BRI3: variants seen among roughly 807,000 people sequenced by gnomAD.
BRI3 encodes the protein brain protein I3.
In BRI3, 6 loss-of-function variants were observed where a neutral mutation model predicts 12.8. That is an observed-to-expected ratio of 0.47 (90% confidence interval 0.26 to 0.93). The LOEUF (loss-of-function observed/expected upper bound fraction) is 0.93, where lower values mean the gene tolerates loss of function less well. Ranked by LOEUF, BRI3 falls within the 40% of genes least tolerant of loss-of-function variation. The pLI, the probability that BRI3 is intolerant of heterozygous loss-of-function variation, is 0.15. For synonymous variants in BRI3, 91 were observed against 76.1 expected (o/e 1.20, Z -1.02); for missense variants, 134 against 171.1 (o/e 0.78, Z 1.21).
chr7:98,300,280 C>T (rs921765602), intron 1 of BRI3, among the ~76,000 whole-genome samples: 1 of 152,124 alleles, frequency 6.6e-6, no homozygotes, highest in African/African-American at 2.4e-5. Flanking sequence ...TCCCTGCTCC[C>T]GCCCTTGGAG....
intron 2 of BRI3, among the ~76,000 whole-genome samples, chr7:98,288,232 G>A (rs1799777242): frequency 6.6e-6 from 1 of 152,216 alleles, no homozygotes. Context: ...GCTCCCTCCA[G>A]CTCCCCCGGA....
At chr7:98,294,124 TAAA>T (rs770700624), downstream of BRI3, 231 of 1,613,608 alleles carry the variant, frequency 1.4e-4, no homozygotes, top group Non-Finnish European at 1.8e-4. Context: ...GTGAGAAAGA[TAAA>T]GAAGTTTATG....
At chr7:98,315,690 A>G in the BRI3 span, 2 of 650,320 alleles carry the variant, frequency 3.1e-6, no homozygotes, top group African/African-American at 3.7e-5. Context: ...CCTGACGTTT[A>G]TCTTCTGCCA....
At chr7:98,320,422 G>A in the BRI3 span, 5 of 680,284 alleles carry the variant, frequency 7.3e-6, no homozygotes, top group African/African-American at 1.8e-5. Flanking sequence ...TGCAACCTCC[G>A]CCTCCCGGGT....
In BRI3 at chr7:98,291,374, C is replaced by T; in HGVS notation, c.*131C>T. 6.7e-7 allele frequency: 1 copy of T among 1,491,432 alleles called. No individual in the cohort carries two copies. Among genetic ancestry groups the T allele is most frequent in the Non-Finnish European group, 8.9e-7 (1 of 1,120,122 alleles). 92.4% of individuals were successfully genotyped at this position (1,491,432 alleles called of 1,614,324 possible). ...GAGGTGGGACCGATGTGGCACACGC[C>T]AGCTGCGGTTTCCCGGAGCGTGGAG... On this transcript the variant is annotated 3_prime_UTR_variant, in exon 3 of 3. Coordinates refer to ENST00000297290, the MANE Select transcript of BRI3 (RefSeq NM_015379.5).
chr7:98,297,602 G>A (rs1438723663), downstream of BRI3, among the ~76,000 whole-genome samples: 1 of 152,156 alleles, frequency 6.6e-6, no homozygotes, highest in Admixed American at 6.6e-5. Context: ...TCCAGTCCTC[G>A]TCTGTGGCCC....
chr7:98,283,908 C>G (rs1187824993), intron 2 of BRI3, among the ~76,000 whole-genome samples: 1 of 152,208 alleles, frequency 6.6e-6, no homozygotes, highest in South Asian at 2.1e-4. Flanking sequence ...GGCTGGGGGG[C>G]GCCGAGGTGG....
At chr7:98,310,579 T>C, downstream of BRI3, 1 of 1,588,774 alleles carries the variant, frequency 6.3e-7, no homozygotes, top group Non-Finnish European at 8.5e-7. Context: ...AAGGGTGTCG[T>C]AATCTTTCCT....
downstream of BRI3, among the ~76,000 whole-genome samples, chr7:98,313,959 G>A (rs1800976114): frequency 2.0e-5 from 3 of 149,148 alleles, no homozygotes; most frequent in South Asian, 6.4e-4. Context: ...CTTATTTAGG[G>A]AGCTGAATAC....
downstream of BRI3, among the ~76,000 whole-genome samples, chr7:98,297,752 G>T (rs1041257940): frequency 6.6e-6 from 1 of 152,232 alleles, no homozygotes; most frequent in African/African-American, 2.4e-5. Flanking sequence ...ATGTTGTGAC[G>T]CAAACGAAGA....
chr7:98,287,974 C>T (rs1271189240), intron 2 of BRI3, among the ~76,000 whole-genome samples: 1 of 152,186 alleles, frequency 6.6e-6, no homozygotes, highest in African/African-American at 2.4e-5. Flanking sequence ...AGCTTTGGTC[C>T]TGAGGTGAGG....
upstream of BRI3, among the ~76,000 whole-genome samples, chr7:98,301,663 GTGTGTGTGTGTGTGCACACGCGCGTC>G: frequency 1.3e-5 from 2 of 151,446 alleles, no homozygotes; most frequent in South Asian, 4.2e-4. Flanking sequence ...GAAGATGATG[GTGTGTGTGTGTGTGCACACGCGCGTC>G]TGTGTGTGTG....
chr7:98,292,588 A>G, downstream of BRI3: 2 of 1,524,738 alleles, frequency 1.3e-6, no homozygotes, highest in Non-Finnish European at 8.9e-7. Flanking sequence ...CCATAGGGCC[A>G]GGTTCCGAGG....
Position 98,291,540 on chromosome 7 carries a change from C to G in BRI3, c.*297C>G. 1.1e-5 allele frequency: 13 copies of G among 1,165,190 alleles called. No individual in the cohort carries two copies. The highest frequency in any genetic ancestry group is 1.4e-5 in the Non-Finnish European group (13 of 939,276). The allele number at this position is 1,165,190 out of a possible 1,614,324, so 72.2% of individuals were successfully genotyped here. ...TCATACCATTGTTGACCTGGTGCTG[C>G]TTACTCGGTGCTTTCAGAGACCCAG... On this transcript the variant is annotated 3_prime_UTR_variant, in exon 3 of 3. Transcript: ENST00000297290.
At chr7:98,288,107 T>C (rs898783193) in intron 2 of BRI3, among the ~76,000 whole-genome samples, 24 of 152,132 alleles carry the variant, frequency 1.6e-4, no homozygotes, top group Non-Finnish European at 3.2e-4. Flanking sequence ...CTGTCTGCTT[T>C]TTCATGGGAC....
At chr7:98,300,337 A>G (rs1800370192) in intron 1 of BRI3, among the ~76,000 whole-genome samples, 1 of 152,148 alleles carries the variant, frequency 6.6e-6, no homozygotes. Flanking sequence ...GCGCTCCCGG[A>G]ACTCCTGACT....
At chr7:98,294,964 T>C (rs1414507825), downstream of BRI3, among the ~76,000 whole-genome samples, 4 of 152,202 alleles carry the variant, frequency 2.6e-5, no homozygotes, top group African/African-American at 9.7e-5. Flanking sequence ...CACTCTTTCC[T>C]GCCTGCACAC....
downstream of BRI3, among the ~76,000 whole-genome samples, chr7:98,297,338 C>G (rs994897620): frequency 6.6e-6 from 1 of 152,206 alleles, no homozygotes; most frequent in Non-Finnish European, 1.5e-5. Context: ...GGTTGGGGGA[C>G]TAGTTGACCT....
At chr7:98,293,247 G>A, downstream of BRI3, 2 of 372,042 alleles carry the variant, frequency 5.4e-6, no homozygotes, top group Non-Finnish European at 9.7e-6. Context: ...ATACAGTAAA[G>A]ATTGAAACCA....
Sources: gnomAD v4.1 joint callset for allele counts (sites outside exome capture counted in the v4.1 genomes callset) on GRCh38, gnomAD v4.1.1 for gene constraint, MANE v1.5 for transcripts, NCBI Gene and HGNC (gene_info 2026-07-23, HGNC 2026-07-21) for gene names.